PRKG1: variants seen among roughly 807,000 people sequenced by gnomAD.
PRKG1 encodes the protein cGMP-dependent protein kinase 1.
Under a neutral mutation model 88.1 loss-of-function variants are expected in PRKG1, and 35 were observed. The ratio of observed to expected loss-of-function variants is 0.40; its 90% CI spans 0.30 to 0.53. PRKG1 has a LOEUF of 0.53. PRKG1 is among the 20% of genes least tolerant of loss of function. The pLI is 0.59. For synonymous variants in PRKG1, 303 were observed against 292.5 expected (o/e 1.04, Z -0.37); for missense variants, 540 against 839.8 (o/e 0.64, Z 4.41).
intron 8 of PRKG1, among the ~76,000 whole-genome samples, chr10:52,157,539 C>T (rs1013326251): frequency 1.3e-5 from 2 of 151,002 alleles, no homozygotes; most frequent in Admixed American, 1.3e-4. Flanking sequence ...GTAATCAGCT[C>T]CCTTCAGAAG....
intron 2 of PRKG1, among the ~76,000 whole-genome samples, chr10:51,444,386 A>G (rs952820686): frequency 1.3e-5 from 2 of 151,880 alleles, no homozygotes; most frequent in Non-Finnish European, 2.9e-5. Flanking sequence ...AACTTGAAGA[A>G]AAAACTGAAA....
chr10:51,224,342 T>C (rs1838631700), intron 2 of PRKG1, among the ~76,000 whole-genome samples: 1 of 152,232 alleles, frequency 6.6e-6, no homozygotes, highest in African/African-American at 2.4e-5. Context: ...GATTTTTCCA[T>C]GGTAGCATGT....
chr10:51,249,638 G>GA (rs199807666), intron 2 of PRKG1, among the ~76,000 whole-genome samples: 8 of 139,648 alleles, frequency 5.7e-5, no homozygotes. Context: ...GAACATAAAT[G>GA]AAAAAAATGA....
intron 5 of PRKG1, among the ~76,000 whole-genome samples, chr10:51,933,668 T>G (rs755516836): frequency 2.2e-4 from 34 of 152,182 alleles, no homozygotes; most frequent in Admixed American, 8.5e-4. Context: ...ACAAAAAAAT[T>G]TGTGCCTTAG....
intron 3 of PRKG1, among the ~76,000 whole-genome samples, chr10:51,575,814 C>G (rs1176282607): frequency 6.6e-6 from 1 of 151,712 alleles, no homozygotes; most frequent in African/African-American, 2.4e-5. Flanking sequence ...TTCTAATACA[C>G]TATCACTAGT....
intron 5 of PRKG1, among the ~76,000 whole-genome samples, chr10:51,915,896 GT>G (rs1480609088): frequency 6.6e-6 from 1 of 152,122 alleles, no homozygotes; most frequent in Non-Finnish European, 1.5e-5. Context: ...CAAAATCACA[GT>G]TAACATACTA....
At chr10:52,184,367 C>T (rs531377484) in intron 9 of PRKG1, among the ~76,000 whole-genome samples, 1 of 152,234 alleles carries the variant, frequency 6.6e-6, no homozygotes, top group East Asian at 1.9e-4. Flanking sequence ...TTAAAACACT[C>T]TCATCCATAT....
intron 9 of PRKG1, among the ~76,000 whole-genome samples, chr10:52,163,781 G>C (rs1838350114): frequency 6.6e-6 from 1 of 152,074 alleles, no homozygotes; most frequent in Admixed American, 6.6e-5. Flanking sequence ...AAAGTAGTAA[G>C]TAAGAAAAAC....
At chr10:51,414,825 T>C (rs1184031665) in intron 2 of PRKG1, among the ~76,000 whole-genome samples, 1 of 152,240 alleles carries the variant, frequency 6.6e-6, no homozygotes, top group Non-Finnish European at 1.5e-5. Context: ...TTCTGCATTT[T>C]ATTTGGTTTT....
In PRKG1 at chr10:52,256,572, T is replaced by C. The variant is rs1841312940; in HGVS notation, c.1173+4906T>C. 1.4e-5 allele frequency among the ~76,000 whole-genome samples: 2 copies of C among 139,904 alleles called. 1 individual carries two copies. The highest frequency in any genetic ancestry group is 3.2e-5 in the Non-Finnish European group (2 of 61,820). The allele number at this position is 139,904 out of a possible 152,430, so 91.8% of individuals were successfully genotyped here. ...AAACGAGTTAAAGCCCTCAAAATAG[T>C]GTCTCACACATCATAGGTCAGTAAA... On this transcript the variant is annotated intron_variant, in intron 10 of 17. Coordinates refer to ENST00000373980, the MANE Select transcript of PRKG1 (RefSeq NM_006258.4).
chr10:51,957,778 C>A (rs567160300), intron 5 of PRKG1, among the ~76,000 whole-genome samples: 1 of 152,222 alleles, frequency 6.6e-6, no homozygotes, highest in South Asian at 2.1e-4. Flanking sequence ...AAAAACATTT[C>A]TTTTCATCCA....
chr10:51,970,810 G>A (rs1010353701), intron 5 of PRKG1, among the ~76,000 whole-genome samples: 3 of 139,422 alleles, frequency 2.2e-5, no homozygotes, highest in African/African-American at 5.4e-5. Context: ...TATATCAGAT[G>A]ATGTGTATAT....
Position 51,549,120 on chromosome 10 carries a change from C to CTTTTTTTTT in PRKG1, c.592+81297_592+81305dup, listed in dbSNP as rs56045527. ...TTCTTTCCTTTCTTTCTTTTCTTTTCTTTTTTTTTTTTTTTTTTTTTGAGA... is the reference window on the plus strand; with the variant it reads ...TTCTTTCCTTTCTTTCTTTTCTTTTCTTTTTTTTTTTTTTTTTTTTTTTTTTTTTTGAGA... On this transcript the variant is annotated intron_variant, in intron 3 of 17. Transcript: ENST00000373980. 1.3e-3 allele frequency among the ~76,000 whole-genome samples: 92 copies of CTTTTTTTTT among 70,328 alleles called. 2 individuals carry two copies. Among genetic ancestry groups the CTTTTTTTTT allele is most frequent in the African/African-American group, 3.1e-3 (55 of 17,878 alleles). The allele number at this position is 70,328 out of a possible 152,430, so 46.1% of individuals were successfully genotyped here.
At chr10:51,823,557 G>T (rs1425233763) in intron 4 of PRKG1, among the ~76,000 whole-genome samples, 4 of 151,782 alleles carry the variant, frequency 2.6e-5, no homozygotes. Context: ...TCTCTTCTCA[G>T]CATCATCAAG....
intron 2 of PRKG1, among the ~76,000 whole-genome samples, chr10:51,359,384 T>C (rs1842431708): frequency 6.6e-6 from 1 of 151,920 alleles, no homozygotes; most frequent in Admixed American, 6.6e-5. Flanking sequence ...TAGAGATACA[T>C]AGATTACCTG....
At chr10:51,418,963 C>T (rs537323387) in intron 2 of PRKG1, among the ~76,000 whole-genome samples, 9 of 151,948 alleles carry the variant, frequency 5.9e-5, no homozygotes, top group East Asian at 5.8e-4. Context: ...GTTTTGGGGG[C>T]GAAAGTAATA....
At chr10:51,479,600 TA>T (rs996412571) in intron 3 of PRKG1, among the ~76,000 whole-genome samples, 10 of 152,208 alleles carry the variant, frequency 6.6e-5, no homozygotes, top group African/African-American at 1.7e-4. Flanking sequence ...TTTTTGCTAT[TA>T]AAAAATTGTT....
At chr10:52,033,445 T>C (rs1307383987) in intron 5 of PRKG1, among the ~76,000 whole-genome samples, 1 of 152,200 alleles carries the variant, frequency 6.6e-6, no homozygotes, top group African/African-American at 2.4e-5. Context: ...GCGTGTTTTC[T>C]CTTAACCCTC....
chr10:51,554,421 CGTGTGTGT>C (rs58710266), intron 3 of PRKG1, among the ~76,000 whole-genome samples: 4 of 143,344 alleles, frequency 2.8e-5, no homozygotes, highest in Admixed American at 7.1e-5. Context: ...GTATATTTAT[CGTGTGTGT>C]GTGTGTGTGT....
Sources: gnomAD v4.1 joint callset for allele counts (sites outside exome capture counted in the v4.1 genomes callset) on GRCh38, gnomAD v4.1.1 for gene constraint, MANE v1.5 for transcripts, NCBI Gene and HGNC (gene_info 2026-07-23, HGNC 2026-07-21) for gene names.